The following ADGRB3 variants were observed in gnomAD, a reference collection of about 807,000 sequenced individuals.
ADGRB3 encodes the protein brain-specific angiogenesis inhibitor 3.
A neutral mutation model predicts 193.4 loss-of-function variants in ADGRB3; 37 were observed. The ratio of observed to expected loss-of-function variants is 0.19; its 90% confidence interval spans 0.15 to 0.25. The LOEUF (loss-of-function observed/expected upper bound fraction) is 0.25, where lower values mean the gene tolerates loss of function less well. ADGRB3 is among the 10% of genes least tolerant of loss of function. The probability of loss-of-function intolerance (pLI) is 1.00; values close to 1 mark genes in which losing one functional copy is unlikely to be tolerated. For synonymous variants in ADGRB3, 690 were observed against 644.2 expected (o/e 1.07, Z -1.08); for missense variants, 1,637 against 1,852.9 (o/e 0.88, Z 2.14).
intron 10 of ADGRB3, among the ~76,000 whole-genome samples, chr6:68,979,663 A>G (rs912214154): frequency 6.6e-6 from 1 of 151,490 alleles, no homozygotes; most frequent in Non-Finnish European, 1.5e-5. Flanking sequence ...AAGTAAACAT[A>G]ATTGCAGAAT....
chr6:68,968,224 C>T (rs1168654933), intron 8 of ADGRB3, among the ~76,000 whole-genome samples: 1 of 152,148 alleles, frequency 6.6e-6, no homozygotes, highest in Non-Finnish European at 1.5e-5. Context: ...GTAAACATTT[C>T]ACCCTACTGG....
intron 3 of ADGRB3, among the ~76,000 whole-genome samples, chr6:68,778,232 G>A (rs1011369274): frequency 1.3e-5 from 2 of 152,050 alleles, no homozygotes; most frequent in Non-Finnish European, 2.9e-5. Context: ...AATGGGTAAG[G>A]TTATCTAGTC....
chr6:69,148,295 A>T (rs1318488472), intron 17 of ADGRB3, among the ~76,000 whole-genome samples: 2 of 151,810 alleles, frequency 1.3e-5, no homozygotes, highest in African/African-American at 4.8e-5. Context: ...TTGTATATAC[A>T]TTGTGTGTTT....
chr6:68,749,072 C>G (rs1766140653), intron 3 of ADGRB3, among the ~76,000 whole-genome samples: 1 of 152,078 alleles, frequency 6.6e-6, no homozygotes, highest in Admixed American at 6.6e-5. Flanking sequence ...GACCCTGGGC[C>G]CAGCTCATGA....
At chr6:69,108,427 T>A (rs1773276309) in intron 17 of ADGRB3, among the ~76,000 whole-genome samples, 1 of 151,392 alleles carries the variant, frequency 6.6e-6, no homozygotes, top group Admixed American at 6.6e-5. Context: ...GAAATAAGGA[T>A]CAGAATGCCT....
At chr6:69,228,120 A>G (rs1766057652) in intron 17 of ADGRB3, among the ~76,000 whole-genome samples, 1 of 152,002 alleles carries the variant, frequency 6.6e-6, no homozygotes, top group African/African-American at 2.4e-5. Flanking sequence ...AGCCGGGTGC[A>G]GTGGCATGTG....
chr6:69,267,013 T>C (rs1432519425), intron 20 of ADGRB3, among the ~76,000 whole-genome samples: 2 of 152,110 alleles, frequency 1.3e-5, no homozygotes, highest in Non-Finnish European at 2.9e-5. Flanking sequence ...TGCAAGATTA[T>C]GATTTTCAGA....
intron 3 of ADGRB3, among the ~76,000 whole-genome samples, chr6:68,711,242 C>G (rs1257409569): frequency 6.6e-6 from 1 of 152,034 alleles, no homozygotes; most frequent in Non-Finnish European, 1.5e-5. Flanking sequence ...TTTCTCTTCT[C>G]TCTTTTACAG....
chr6:68,870,027 C>T (rs934927894), intron 3 of ADGRB3, among the ~76,000 whole-genome samples: 4 of 152,222 alleles, frequency 2.6e-5, no homozygotes, highest in African/African-American at 9.6e-5. Context: ...AGTCCGCCTG[C>T]CTTGGCCTCC....
intron 20 of ADGRB3, among the ~76,000 whole-genome samples, chr6:69,323,519 T>C (rs757480903): frequency 5.9e-5 from 9 of 152,062 alleles, no homozygotes; most frequent in Non-Finnish European, 1.2e-4. Flanking sequence ...ATTTTATCAT[T>C]TTTATAAGCA....
At chr6:69,012,346 A>T (rs1223277303) in intron 11 of ADGRB3, among the ~76,000 whole-genome samples, 2 of 152,076 alleles carry the variant, frequency 1.3e-5, no homozygotes, top group Non-Finnish European at 2.9e-5. Flanking sequence ...GACCGAGGTC[A>T]TGGACCTCAG....
At chr6:69,297,368 T>TCTTTCTC (rs1767846054) in intron 20 of ADGRB3, among the ~76,000 whole-genome samples, 28 of 97,630 alleles carry the variant, frequency 2.9e-4, no homozygotes, top group African/African-American at 8.3e-4. Flanking sequence ...CTCTCTCTCT[T>TCTTTCTC]TCTCTCTCTC....
intron 12 of ADGRB3, among the ~76,000 whole-genome samples, chr6:69,017,315 C>A (rs953528678): frequency 1.3e-5 from 2 of 151,790 alleles, no homozygotes. Flanking sequence ...CTAGTCTTTG[C>A]GATTACAAAG....
intron 3 of ADGRB3, among the ~76,000 whole-genome samples, chr6:68,696,499 G>A (rs1185148416): frequency 3.3e-5 from 5 of 151,268 alleles, no homozygotes; most frequent in African/African-American, 1.2e-4. Flanking sequence ...CTGAATTAAC[G>A]AAAGTTTTTG....
chr6:68,849,331 T>A (rs2127390317), intron 3 of ADGRB3, among the ~76,000 whole-genome samples: 1 of 151,690 alleles, frequency 6.6e-6, no homozygotes, highest in African/African-American at 2.4e-5. Flanking sequence ...ACATTTAAGT[T>A]AAATTCTAAT....
In ADGRB3 at chr6:69,243,008, T is replaced by G. The variant is rs141642395; in HGVS notation, c.2814+3782T>G. Among the ~76,000 whole-genome samples the G allele has an allele frequency of 2.9e-3, 447 of 152,054 alleles. 1 individual carries two copies. The highest frequency in any genetic ancestry group is 0.01 in the African/African-American group (420 of 41,536). On this transcript the variant is annotated intron_variant, in intron 20 of 31. Coordinates refer to ENST00000370598, the MANE Select transcript of ADGRB3 (RefSeq NM_001704.3). ...AAATTTAGAGAATAGTTTTTCTTAA[T>G]GACAAAAGCATGTATTGCTTTTGCT...
chr6:69,039,492 G>T (rs1490749190), intron 13 of ADGRB3, among the ~76,000 whole-genome samples: 2 of 152,078 alleles, frequency 1.3e-5, no homozygotes, highest in African/African-American at 2.4e-5. Flanking sequence ...AATATCTTAG[G>T]ATTTATGGGC....
chr6:68,780,259 C>G (rs1766828077), intron 3 of ADGRB3, among the ~76,000 whole-genome samples: 1 of 152,006 alleles, frequency 6.6e-6, no homozygotes, highest in Admixed American at 6.6e-5. Context: ...ATACATGTAA[C>G]CCAAGAGGAG....
chr6:69,049,145 C>CT (rs1771321439), intron 14 of ADGRB3, 126 bp from the exon 15 acceptor site: 14 of 669,038 alleles, frequency 2.1e-5, no homozygotes, highest in Non-Finnish European at 3.2e-5. Context: ...GAATGCATTT[C>CT]TTTTTACCAG....
Sources: gnomAD v4.1 joint callset for allele counts (sites outside exome capture counted in the v4.1 genomes callset) on GRCh38, gnomAD v4.1.1 for gene constraint, MANE v1.5 for transcripts, NCBI Gene and HGNC (gene_info 2026-07-23, HGNC 2026-07-21) for gene names.